The following GALNT13 variants were observed in gnomAD, a reference collection of about 807,000 sequenced individuals.
GALNT13 encodes polypeptide N-acetylgalactosaminyltransferase 13, also known as UDP-GalNAc:polypeptide N-acetylgalactosaminyltransferase 13.
Under a neutral mutation model 64.2 loss-of-function variants are expected in GALNT13, and 28 were observed. The ratio of observed to expected loss-of-function variants is 0.44; its 90% CI spans 0.32 to 0.60. The LOEUF (loss-of-function observed/expected upper bound fraction) is 0.60. GALNT13 is among the 20% of genes least tolerant of loss of function. The pLI, the probability that GALNT13 is intolerant of heterozygous loss-of-function variation, is 0.05. For missense variants in GALNT13, 577 were observed against 669.8 expected, an observed-to-expected ratio of 0.86 and a Z score of 1.53; for synonymous variants, 214 against 224.6, an observed-to-expected ratio of 0.95 and a Z score of 0.42.
intron 4 of GALNT13, among the ~76,000 whole-genome samples, chr2:154,171,916 T>C (rs1685368124): frequency 6.6e-6 from 1 of 151,860 alleles, no homozygotes; most frequent in African/African-American, 2.4e-5. Flanking sequence ...AATTGTGTTT[T>C]GTTCAGTAAA....
intron 4 of GALNT13, among the ~76,000 whole-genome samples, chr2:154,204,212 C>T (rs1433370877): frequency 1.3e-5 from 2 of 152,200 alleles, no homozygotes; most frequent in Non-Finnish European, 2.9e-5. Context: ...ATCAGCCTAA[C>T]TGTGGTGCTA....
the GALNT13 span, among the ~76,000 whole-genome samples, chr2:153,501,073 A>AT: frequency 6.3e-3 from 872 of 139,296 alleles, 9 homozygotes; most frequent in East Asian, 0.032. Flanking sequence ...GTAAAAAAAA[A>AT]AAATATATAA....
At chr2:153,320,970 T>G in the GALNT13 span, among the ~76,000 whole-genome samples, 1 of 152,204 alleles carries the variant, frequency 6.6e-6, no homozygotes, top group Non-Finnish European at 1.5e-5. Context: ...TGATAGGCTC[T>G]GTTTTAGCTG....
At chr2:154,417,253 C>T (rs973573021) in intron 11 of GALNT13, among the ~76,000 whole-genome samples, 22 of 145,470 alleles carry the variant, frequency 1.5e-4, no homozygotes, top group African/African-American at 3.8e-4. Context: ...TCGAAATTAT[C>T]GCTCCCAGTT....
the GALNT13 span, among the ~76,000 whole-genome samples, chr2:153,270,351 C>A: frequency 6.6e-6 from 1 of 152,162 alleles, no homozygotes; most frequent in Admixed American, 6.5e-5. Flanking sequence ...TGTTAATGCA[C>A]TAGCTCATTT....
chr2:154,375,558 C>G (rs1697940855), intron 9 of GALNT13, among the ~76,000 whole-genome samples: 1 of 151,952 alleles, frequency 6.6e-6, no homozygotes, highest in Non-Finnish European at 1.5e-5. Context: ...TGAAAAAGGG[C>G]AACAAGAACG....
chr2:154,087,001 G>T (rs113064873), intron 3 of GALNT13, among the ~76,000 whole-genome samples: 2 of 151,958 alleles, frequency 1.3e-5, no homozygotes, highest in African/African-American at 4.8e-5. Flanking sequence ...GTTTGCAAGC[G>T]TGAATTCAGA....
intron 4 of GALNT13, among the ~76,000 whole-genome samples, chr2:154,182,275 A>G (rs11677129): frequency 0.22 from 33,396 of 152,116 alleles, 3,929 homozygotes; most frequent in African/African-American, 0.29. Context: ...TAACAAGACA[A>G]TGTTTCATTT....
chr2:153,631,098 A>G, the GALNT13 span, among the ~76,000 whole-genome samples: 1 of 151,716 alleles, frequency 6.6e-6, no homozygotes, highest in Non-Finnish European at 1.5e-5. Flanking sequence ...GCTGAGAATG[A>G]TGGTTTCCAG....
At chr2:154,345,888 G>T (rs1277864274) in intron 9 of GALNT13, among the ~76,000 whole-genome samples, 1 of 151,978 alleles carries the variant, frequency 6.6e-6, no homozygotes, top group African/African-American at 2.4e-5. Flanking sequence ...GAGAATAAAA[G>T]CTAAAGAAAA....
chr2:153,536,455 A>AT, the GALNT13 span, among the ~76,000 whole-genome samples: 1 of 151,856 alleles, frequency 6.6e-6, no homozygotes, highest in African/African-American at 2.4e-5. Context: ...GTAAGAAGTG[A>AT]TTTTGAGTTT....
chr2:154,255,911 G>A (rs1371972517), intron 7 of GALNT13, among the ~76,000 whole-genome samples: 7 of 152,024 alleles, frequency 4.6e-5, no homozygotes, highest in East Asian at 1.9e-4. Flanking sequence ...AAGATAGCTC[G>A]GTATGGTGGT....
chr2:154,226,941 A>C (rs1193885544), intron 4 of GALNT13, among the ~76,000 whole-genome samples: 1 of 152,164 alleles, frequency 6.6e-6, no homozygotes, highest in Non-Finnish European at 1.5e-5. Flanking sequence ...AAATGGAAAC[A>C]GTATCTATTC....
At chr2:154,279,021 A>T (rs753834106) in intron 8 of GALNT13, among the ~76,000 whole-genome samples, 6 of 152,170 alleles carry the variant, frequency 3.9e-5, no homozygotes, top group Non-Finnish European at 5.9e-5. Flanking sequence ...ATATCTAAAA[A>T]GAAAAAGAAA....
chr2:154,334,402 C>G (rs1400441173), intron 9 of GALNT13, among the ~76,000 whole-genome samples: 1 of 151,140 alleles, frequency 6.6e-6, no homozygotes, highest in Non-Finnish European at 1.5e-5. Flanking sequence ...AATAGACAGC[C>G]TTTAAACTAA....
the GALNT13 span, among the ~76,000 whole-genome samples, chr2:153,589,502 C>T: frequency 3.9e-5 from 6 of 152,176 alleles, no homozygotes; most frequent in Non-Finnish European, 7.3e-5. Flanking sequence ...ATCTTTTCAG[C>T]AGTGCCCCAC....
chr2:153,945,802 C>G (rs573594057), intron 3 of GALNT13, among the ~76,000 whole-genome samples: 1 of 152,156 alleles, frequency 6.6e-6, no homozygotes, highest in Admixed American at 6.6e-5. Context: ...GTTGAGTTTG[C>G]TTTAGATTAC....
chr2:153,956,818 G>A (rs575912107), intron 3 of GALNT13, among the ~76,000 whole-genome samples: 5 of 152,096 alleles, frequency 3.3e-5, no homozygotes, highest in Admixed American at 2.0e-4. Flanking sequence ...CTATAGATAA[G>A]AATCATTCTA....
chr2:153,567,494 C>T, the GALNT13 span, among the ~76,000 whole-genome samples: 1 of 152,184 alleles, frequency 6.6e-6, no homozygotes, highest in Non-Finnish European at 1.5e-5. Flanking sequence ...TTTGCAGGCA[C>T]AGCATGGTTT....
Sources: gnomAD v4.1 joint callset for allele counts (sites outside exome capture counted in the v4.1 genomes callset) on GRCh38, gnomAD v4.1.1 for gene constraint, MANE v1.5 for transcripts, NCBI Gene and HGNC (gene_info 2026-07-23, HGNC 2026-07-21) for gene names.